The following SDK1 variants were observed in gnomAD, a reference collection of about 807,000 sequenced individuals.
SDK1 encodes sidekick cell adhesion molecule 1, also known as protein sidekick-1.
Under a neutral mutation model 245.5 loss-of-function variants are expected in SDK1, and 157 were observed. That is an observed-to-expected ratio of 0.64 (90% CI 0.56 to 0.73). The LOEUF (loss-of-function observed/expected upper bound fraction) is 0.73. SDK1 is among the 30% of genes least tolerant of loss of function. SDK1 has a pLI of 0.00. For missense variants in SDK1, 3,583 were observed against 3,002.3 expected (o/e 1.19, Z -4.52); for synonymous variants, 1,647 against 1,278.5 (o/e 1.29, Z -6.15).
rs141651737 is a variant in SDK1 at position 3,742,708 on chromosome 7, ATATACTTTT to A, written c.714-78738_714-78730del. 7.3e-3 allele frequency among the ~76,000 whole-genome samples: 1,108 copies of A among 152,284 alleles called. 14 individuals carry two copies. The highest frequency in any genetic ancestry group is 0.025 in the African/African-American group (1,041 of 41,560). On this transcript the variant is annotated intron_variant, in intron 4 of 44. Transcript: ENST00000404826. ...AAAACTTTTAACACCAAATAAAATT[ATATACTTTT>A]TATTCCCTGTTTGTCTGCCTGTTGT...
At chr7:3,595,828 C>CAAAA (rs35037283) in intron 1 of SDK1, among the ~76,000 whole-genome samples, 8 of 54,032 alleles carry the variant, frequency 1.5e-4, no homozygotes, top group Admixed American at 3.2e-4. Flanking sequence ...GACTTCATCT[C>CAAAA]AAAAAAAAAA....
chr7:3,983,344 C>T lies in SDK1; in HGVS notation c.1995-3842C>T, dbSNP rs138454595. On this transcript the variant is annotated intron_variant, in intron 13 of 44. Coordinates refer to ENST00000404826, the MANE Select transcript of SDK1 (RefSeq NM_152744.4). ...GATGCGCCAGGCTTCACTGCTGTCT[C>T]GTTTGAAGAAATTGCCACAGTCCCC... Among the ~76,000 whole-genome samples, 911 of 152,236 alleles carry T rather than the reference C, an allele frequency of 6.0e-3. 9 individuals carry two copies. Among genetic ancestry groups the T allele is most frequent in the African/African-American group, 0.021 (861 of 41,528 alleles).
At chr7:3,904,010 T>C (rs1322417154) in intron 5 of SDK1, among the ~76,000 whole-genome samples, 1 of 152,050 alleles carries the variant, frequency 6.6e-6, no homozygotes, top group Admixed American at 6.5e-5. Context: ...CCTCACCACA[T>C]GCAGACGTCC....
intron 5 of SDK1, among the ~76,000 whole-genome samples, chr7:3,894,727 C>CTCACTCTG (rs558842324): frequency 3.8e-4 from 54 of 141,422 alleles, no homozygotes; most frequent in African/African-American, 1.4e-3. Context: ...GAGACGGAGT[C>CTCACTCTG]TCACTCTGTC....
At chr7:3,678,992 A>G (rs1253602853) in intron 4 of SDK1, among the ~76,000 whole-genome samples, 1 of 152,246 alleles carries the variant, frequency 6.6e-6, no homozygotes, top group African/African-American at 2.4e-5. Context: ...ATGTAAGGTT[A>G]TAAAACTTTT....
chr7:4,225,322 G>C (rs1785368116), intron 40 of SDK1, among the ~76,000 whole-genome samples: 1 of 152,172 alleles, frequency 6.6e-6, no homozygotes, highest in Non-Finnish European at 1.5e-5. Flanking sequence ...TTAGCGTCAA[G>C]TAATCATTGA....
At chr7:3,371,181 CAGAGG>C (rs1781218927) in intron 1 of SDK1, among the ~76,000 whole-genome samples, 1 of 152,134 alleles carries the variant, frequency 6.6e-6, no homozygotes, top group African/African-American at 2.4e-5. Flanking sequence ...TAGCCAGGCT[CAGAGG>C]AGAACACATC....
chr7:3,918,856 G>A (rs1047978274), intron 5 of SDK1, among the ~76,000 whole-genome samples: 6 of 151,706 alleles, frequency 4.0e-5, no homozygotes, highest in African/African-American at 1.5e-4. Flanking sequence ...CCACATACAT[G>A]GCTTCTCACA....
In SDK1 at chr7:3,958,087, C is replaced by G. The variant is rs776418668; in HGVS notation, c.1151-844C>G. The stretch of plus-strand genomic sequence containing the variant: ...CAGTCAATATAGGAGGCATGCCAAG[C>G]TATCTTATCCACATTCAACACAATT... On this transcript the variant is annotated intron_variant, in intron 7 of 44. Transcript: ENST00000404826. 8.5e-5 allele frequency: 38 copies of G among 449,446 alleles called. 1 individual carries two copies. In the Middle Eastern group the frequency reaches 2.4e-3, roughly 28 times the overall value. 27.8% of individuals were successfully genotyped at this position (449,446 alleles called of 1,614,324 possible).
At chr7:3,695,824 A>G (rs1417318509) in intron 4 of SDK1, among the ~76,000 whole-genome samples, 1 of 152,222 alleles carries the variant, frequency 6.6e-6, no homozygotes, top group Non-Finnish European at 1.5e-5. Context: ...GCAGAGGAAG[A>G]CCAGCAGTGT....
intron 1 of SDK1, among the ~76,000 whole-genome samples, chr7:3,552,719 A>ATT (rs1779456323): frequency 6.6e-6 from 1 of 152,208 alleles, no homozygotes; most frequent in African/African-American, 2.4e-5. Flanking sequence ...CAATTTGCTA[A>ATT]TTAGGTCATT....
In SDK1 at chr7:3,672,741, T is replaced by A. The variant is rs1377936604; in HGVS notation, c.713+30636T>A. Among the ~76,000 whole-genome samples the A allele has an allele frequency of 5.7e-5, 5 of 88,482 alleles. No individual in the cohort carries two copies. In the East Asian group the frequency reaches 1.1e-3, roughly 20 times the overall value. 58.0% of individuals were successfully genotyped at this position (88,482 alleles called of 152,430 possible). ...ATATTAAATAAAAATGTAATATATA[T>A]TTTTATAATATATAATTTTATATAT... is the stretch of plus-strand genomic sequence containing the variant. On this transcript the variant is annotated intron_variant, in intron 4 of 44. Coordinates refer to ENST00000404826, the MANE Select transcript of SDK1 (RefSeq NM_152744.4).
chr7:4,079,370 A>T lies in SDK1; in HGVS notation c.3203-93A>T. Reference sequence around the variant, plus strand: ...CCTTTTTTGGTATAGAATCGTTTTGAAACTGTTTACTTTTGAAGCTGACAC... The same window carrying T: ...CCTTTTTTGGTATAGAATCGTTTTGTAACTGTTTACTTTTGAAGCTGACAC... On this transcript the variant is annotated intron_variant, in intron 21 of 44. Coordinates refer to ENST00000404826, the MANE Select transcript of SDK1 (RefSeq NM_152744.4). 50 of 1,464,018 alleles carry T rather than the reference A, an allele frequency of 3.4e-5. No homozygotes were observed. In the African/African-American group the frequency reaches 4.2e-4, roughly 12 times the overall value. 90.7% of individuals were successfully genotyped at this position (1,464,018 alleles called of 1,614,324 possible). A position where few individuals can be genotyped will look rare whatever the true frequency, so the allele number is the denominator to read the frequency against.
chr7:4,021,066 CAG>C (rs1323992937), intron 17 of SDK1, among the ~76,000 whole-genome samples: 1 of 152,146 alleles, frequency 6.6e-6, no homozygotes, highest in African/African-American at 2.4e-5. Flanking sequence ...TAACATCAAA[CAG>C]AGACACTCAA....
intron 1 of SDK1, among the ~76,000 whole-genome samples, chr7:3,465,161 A>C (rs1048353227): frequency 3.3e-5 from 5 of 152,106 alleles, no homozygotes; most frequent in African/African-American, 1.2e-4. Flanking sequence ...TCCGTGTGAC[A>C]AGTGGGATTC....
intron 1 of SDK1, among the ~76,000 whole-genome samples, chr7:3,492,381 C>T (rs1781889670): frequency 1.3e-5 from 2 of 152,190 alleles, no homozygotes; most frequent in Non-Finnish European, 2.9e-5. Context: ...GTAGTCCCAG[C>T]TACTCAGGAG....
chr7:3,610,828 G>A (rs1781564971), intron 1 of SDK1, among the ~76,000 whole-genome samples: 1 of 152,200 alleles, frequency 6.6e-6, no homozygotes, highest in Admixed American at 6.5e-5. Flanking sequence ...GCTGTTTAAT[G>A]GAAATCTCAG....
chr7:3,663,911 A>G (rs1394295536), intron 4 of SDK1, among the ~76,000 whole-genome samples: 8 of 152,254 alleles, frequency 5.3e-5, no homozygotes, highest in African/African-American at 1.9e-4. Context: ...TTAGGAATGT[A>G]TCATTGTCAC....
At chr7:3,609,055 TAAG>T (rs1335218770) in intron 1 of SDK1, among the ~76,000 whole-genome samples, 2 of 152,220 alleles carry the variant, frequency 1.3e-5, no homozygotes, top group Non-Finnish European at 2.9e-5. Context: ...GTGCCACTCT[TAAG>T]AATTTTTAGT....
Sources: allele counts gnomAD v4.1 joint callset (sites outside exome capture counted in the v4.1 genomes callset), GRCh38; gene constraint gnomAD v4.1.1; transcripts MANE v1.5; gene names NCBI Gene and HGNC (gene_info 2026-07-23, HGNC 2026-07-21).